LCN6: variants seen among roughly 807,000 people sequenced by gnomAD.
The protein encoded by LCN6 is lipocalin 6.
In LCN6, 20 loss-of-function variants were observed where a neutral mutation model predicts 21.4. That is an observed-to-expected ratio of 0.93 (90% CI 0.66 to 1.36). The LOEUF is 1.36. LCN6 is among the 40% of genes most tolerant of loss of function. The pLI is 0.00. For synonymous variants in LCN6, 96 were observed against 89.0 expected (o/e 1.08, Z -0.44); for missense variants, 217 against 206.6 (o/e 1.05, Z -0.31).
chr9:136,744,706 G>T lies in LCN6; in HGVS notation c.448C>A (p.Leu150Ile), dbSNP rs749020733. ...TETASQEAMGLFTKWSRSLGF... is the reference protein window; with the variant it reads ...TETASQEAMGIFTKWSRSLGF... Reference sequence around the variant, plus strand: ...AGGCTCCTGCTCCACTTGGTGAAGAGCCCCATGGCCTCCTGGCTGGCTGTC... The same window carrying T: ...AGGCTCCTGCTCCACTTGGTGAAGATCCCCATGGCCTCCTGGCTGGCTGTC... The change falls in exon 5 of 7, where the codon CTC becomes ATC. Residue 150 changes from leucine (L) to isoleucine (I), a missense_variant. Leu to Ile is a conservative substitution (Grantham distance 5). Coordinates refer to ENST00000341206, the MANE Select transcript of LCN6 (RefSeq NM_198946.3). This position sits in a 1 kb window ranked among gnomAD's most constrained non-coding sequence, Gnocchi z 4.2. 5 of 1,610,698 alleles carry T rather than the reference G, an allele frequency of 3.1e-6. No homozygotes were observed. In the East Asian group the frequency reaches 1.1e-4, roughly 36 times the overall value.
Position 136,744,640 on chromosome 9 carries a change from G to C in LCN6, c.*22C>G. ...CGAGGCTGCTCCGGTGGACACTCAC[G>C]GTCCTTCTGCAGCTGGGCCTGCTAC... is the stretch of plus-strand genomic sequence containing the variant. On this transcript the variant is annotated splice_region_variant and 3_prime_UTR_variant, in exon 5 of 7. Coordinates refer to ENST00000341206, the MANE Select transcript of LCN6 (RefSeq NM_198946.3). The surrounding 1 kb of genome is among the most constrained non-coding windows in gnomAD (Gnocchi z 4.2). 1.9e-6 allele frequency: 3 copies of C among 1,589,656 alleles called. No individual in the cohort carries two copies. The Admixed American group carries it at 5.1e-5, about 27-fold the overall frequency.
intron 1 of LCN6, 147 bp downstream of exon 1, chr9:136,748,247 C>A: frequency 1.5e-6 from 1 of 681,794 alleles, no homozygotes; most frequent in South Asian, 1.8e-5. Context: ...AGGCTCCTGC[C>A]TGTGGGACTC....
intron 2 of LCN6, among the ~76,000 whole-genome samples, chr9:136,746,313 G>T (rs1358013921): frequency 7.4e-6 from 1 of 135,456 alleles, no homozygotes; most frequent in Admixed American, 7.2e-5. Context: ...AGGATGGGGC[G>T]GGGTGGGGGT....
In LCN6 at chr9:136,745,199, T is replaced by A; in HGVS notation, c.383A>T (p.Asp128Val). 1.9e-6 allele frequency: 3 copies of A among 1,613,286 alleles called. No homozygotes were observed. Among genetic ancestry groups the A allele is most frequent in the Non-Finnish European group, 2.5e-6 (3 of 1,179,610 alleles). Residue 128 changes from aspartate to valine, a missense_variant, in exon 4 of 7, where the codon GAC (aspartate) becomes GTC (valine). Transcript: ENST00000341206. ...AIIFTQLEFG[D>V]EPFNTVELYS... is the part of the protein sequence containing the mutation. ...CAGCTCCACGGTGTTGAAGGGCTCG[T>A]CCCCGAACTCCAGCTGAGTGAAGAT...
Position 136,745,933 on chromosome 9 carries a change from G to C in LCN6, c.231-19C>G. 1.2e-6 allele frequency: 2 copies of C among 1,612,400 alleles called. No individual in the cohort carries two copies. Among genetic ancestry groups the C allele is most frequent in the Admixed American group, 3.3e-5 (2 of 60,006 alleles). On this transcript the variant is annotated intron_variant, in intron 2 of 6. Coordinates refer to ENST00000341206, the MANE Select transcript of LCN6 (RefSeq NM_198946.3). ...TCCCAGCCTGGAAAAGAAGGGGCCTGTCACCCACTCAGGGTCAAGACCCCG... is the reference window on the plus strand; with the variant it reads ...TCCCAGCCTGGAAAAGAAGGGGCCTCTCACCCACTCAGGGTCAAGACCCCG...
intron 3 of LCN6, 105 bp downstream of exon 3, chr9:136,745,736 GCCT>G: frequency 1.1e-6 from 1 of 943,154 alleles, no homozygotes; most frequent in Non-Finnish European, 1.7e-6. Context: ...AGAACCTGTA[GCCT>G]CCTGGCTCTC....
At position 136,746,105 on chromosome 9, in the gene LCN6, C is replaced by T. The variant is rs904606334; in HGVS notation, c.231-191G>A. ...GCGTGGGAGTCCTGAGAGGGGCGGA[C>T]ACTCCCATTCACTTCCTGAGAGATC... On this transcript the variant is annotated intron_variant, in intron 2 of 6. Coordinates refer to ENST00000341206, the MANE Select transcript of LCN6 (RefSeq NM_198946.3). The T allele has an allele frequency of 2.8e-5, 17 of 597,562 alleles. No individual in the cohort carries two copies. In the South Asian group the frequency reaches 3.0e-4, roughly 10 times the overall value. The allele number at this position is 597,562 out of a possible 1,614,324, so 37.0% of individuals were successfully genotyped here.
At chr9:136,745,400 G>A in intron 3 of LCN6, 120 bp from the exon 4 acceptor site, 1 of 700,152 alleles carries the variant, frequency 1.4e-6, no homozygotes, top group Non-Finnish European at 2.5e-6. Context: ...CCCCTCCCCA[G>A]GAGACCCCTC....
chr9:136,748,418 C>T lies in LCN6; in HGVS notation c.66G>A (p.Trp22Ter). 6.2e-7 allele frequency: 1 copy of T among 1,612,976 alleles called. No homozygotes were observed. Among genetic ancestry groups the T allele is most frequent in the Non-Finnish European group, 8.5e-7 (1 of 1,179,888 alleles). The change falls in exon 1 of 7, where the codon TGG (tryptophan) becomes TGA (stop). Residue 22 changes from tryptophan (W) to a stop codon, truncating the protein, a stop_gained. Coordinates refer to ENST00000341206, the MANE Select transcript of LCN6 (RefSeq NM_198946.3). LOFTEE classifies it high-confidence loss of function. ...CCTGCTCAGGGTCCAGTCTTCCCAA[C>T]CACACGGCCTGGGCCCTGGGCACCG... Reference protein sequence around the residue: ...LVSVPRAQAVWLGRLDPEQLL... With the variant: ...LVSVPRAQAV
At chr9:136,747,304 T>A (rs1588302270) in intron 2 of LCN6, 120 bp downstream of exon 2, 4 of 1,127,288 alleles carry the variant, frequency 3.5e-6, no homozygotes, top group Non-Finnish European at 5.0e-6. Context: ...GTGACGGGGG[T>A]GCAGAGGGGC....
chr9:136,748,446 A>G lies in LCN6; in HGVS notation c.38T>C (p.Val13Ala), dbSNP rs147978470. 3.9e-3 allele frequency: 6,290 copies of G among 1,613,130 alleles called. 15 individuals carry two copies. Among genetic ancestry groups the G allele is most frequent in the Non-Finnish European group, 4.9e-3 (5,752 of 1,179,910 alleles). ...GLLLAAFLAL[V>A]SVPRAQAVWL... ...CACGGCCTGGGCCCTGGGCACCGAG[A>G]CCAAAGCCAGAAAAGCAGCCAGCAG... The change falls in exon 1 of 7, where the codon GTC becomes GCC. Residue 13 changes from valine (V) to alanine (A), a missense_variant. Coordinates refer to ENST00000341206, the MANE Select transcript of LCN6 (RefSeq NM_198946.3).
intron 2 of LCN6, among the ~76,000 whole-genome samples, chr9:136,746,211 C>T (rs184128869): frequency 7.8e-5 from 11 of 141,922 alleles, no homozygotes; most frequent in Admixed American, 3.0e-4. Flanking sequence ...GGTTCGCCCG[C>T]GACTCGGGGG....
chr9:136,745,602 G>C (rs938511076), intron 3 of LCN6: 1 of 596,434 alleles, frequency 1.7e-6, no homozygotes, highest in Non-Finnish European at 3.0e-6. Context: ...CAGGCCCCTC[G>C]CCCTCTGCAC....
rs1339434426 is a variant in LCN6, at chr9:136,745,387, GC to G, written c.302-108del. 6 of 765,120 alleles carry G rather than the reference GC, an allele frequency of 7.8e-6. No individual in the cohort carries two copies. The East Asian group carries it at 8.0e-5, about 10-fold the overall frequency. 47.4% of individuals were successfully genotyped at this position (765,120 alleles called of 1,614,324 possible). On this transcript the variant is annotated intron_variant, in intron 3 of 6. Coordinates refer to ENST00000341206, the MANE Select transcript of LCN6 (RefSeq NM_198946.3). ...GACAGAGGGGCCAATTCAAGTGAGA[GC>G]CCCCCTCCCCAGGAGACCCCTCCAA...
chr9:136,744,559 G>C lies in LCN6; in HGVS notation c.*22+81C>G. The C allele has an allele frequency of 1.2e-6, 1 of 861,734 alleles. No individual in the cohort carries two copies. The highest frequency in any genetic ancestry group is 1.9e-6 in the Non-Finnish European group (1 of 536,728). 53.4% of individuals were successfully genotyped at this position (861,734 alleles called of 1,614,324 possible). On this transcript the variant is annotated intron_variant, in intron 5 of 6. Coordinates refer to ENST00000341206, the MANE Select transcript of LCN6 (RefSeq NM_198946.3). The surrounding 1 kb of genome is among the most constrained non-coding windows in gnomAD (Gnocchi z 4.2). Reference sequence around the variant, plus strand: ...AGGCAGAAGCCAGAATCAACCCCAGGGTCTCTGTCACCCCATCACGCCCTG... The same window carrying C: ...AGGCAGAAGCCAGAATCAACCCCAGCGTCTCTGTCACCCCATCACGCCCTG...
In LCN6 at chr9:136,744,535, G is replaced by T; in HGVS notation, c.*22+105C>A. The T allele has an allele frequency of 1.4e-6, 1 of 714,168 alleles. No homozygotes were observed. 44.2% of individuals were successfully genotyped at this position (714,168 alleles called of 1,614,324 possible). ...TGACTCCTTCAGGGCGACTGAGTCA[G>T]GCAGAAGCCAGAATCAACCCCAGGG... is the stretch of plus-strand genomic sequence containing the variant. On this transcript the variant is annotated intron_variant, in intron 5 of 6. Coordinates refer to ENST00000341206, the MANE Select transcript of LCN6 (RefSeq NM_198946.3). The surrounding 1 kb of genome is among the most constrained non-coding windows in gnomAD (Gnocchi z 4.2).
At chr9:136,747,905 C>T (rs1243821323) in intron 1 of LCN6, among the ~76,000 whole-genome samples, 2 of 149,822 alleles carry the variant, frequency 1.3e-5, no homozygotes, top group Non-Finnish European at 3.0e-5. Context: ...CTCCAGCCTC[C>T]AGCCTTCCAG....
intron 1 of LCN6, 71 bp from the exon 2 acceptor site, chr9:136,747,634 C>G (rs1847060791): frequency 6.8e-7 from 1 of 1,475,934 alleles, no homozygotes; most frequent in Non-Finnish European, 8.9e-7. Context: ...AACCCTCCAG[C>G]CTCAGCCTCC....
intron 1 of LCN6, 44 bp downstream of exon 1, chr9:136,748,345 GGGGCT>G (rs754110498): frequency 1.9e-4 from 283 of 1,514,556 alleles, no homozygotes; most frequent in Non-Finnish European, 2.4e-4. Context: ...CCTTAAAGGA[GGGGCT>G]GGCCCCCGAG....
Sources: allele counts gnomAD v4.1 joint callset (sites outside exome capture counted in the v4.1 genomes callset), GRCh38; gene constraint gnomAD v4.1.1; non-coding constraint Gnocchi (gnomAD v3.1); transcripts MANE v1.5; gene names NCBI Gene and HGNC (gene_info 2026-07-23, HGNC 2026-07-21).